LRRC39: variants seen among roughly 807,000 people sequenced by gnomAD.
LRRC39 encodes the protein leucine-rich repeat-containing protein 39.
In LRRC39, 35 loss-of-function variants were observed where a neutral mutation model predicts 39.7. That is an observed-to-expected ratio of 0.88 (90% CI 0.67 to 1.17). The LOEUF (loss-of-function observed/expected upper bound fraction) is 1.17, where lower values mean the gene tolerates loss of function less well. Ranked by LOEUF, LRRC39 falls within the 50% of genes most tolerant of loss-of-function variation. The pLI is 0.00. For missense variants in LRRC39, 357 were observed against 385.8 expected, an observed-to-expected ratio of 0.93 and a Z score of 0.62; for synonymous variants, 113 against 134.1, an observed-to-expected ratio of 0.84 and a Z score of 1.09.
chr1:100,155,952 C>T (rs1658415879), intron 7 of LRRC39, among the ~76,000 whole-genome samples: 2 of 152,152 alleles, frequency 1.3e-5, no homozygotes, highest in African/African-American at 4.8e-5. Context: ...CTCTGGGAGG[C>T]TGAGGTAGGT....
chr1:100,154,631 G>C (rs1415854361), intron 8 of LRRC39, among the ~76,000 whole-genome samples: 1 of 152,136 alleles, frequency 6.6e-6, no homozygotes, highest in Non-Finnish European at 1.5e-5. Context: ...ATAATACTGA[G>C]AACCAAGGCA....
At chr1:100,177,027 G>A (rs1387437550) in intron 1 of LRRC39, among the ~76,000 whole-genome samples, 2 of 152,158 alleles carry the variant, frequency 1.3e-5, no homozygotes, top group Admixed American at 1.3e-4. Context: ...AAAGATTAAA[G>A]TATTTGCTTA....
At chr1:100,159,005 C>A (rs1162731934) in intron 5 of LRRC39, among the ~76,000 whole-genome samples, 1 of 151,872 alleles carries the variant, frequency 6.6e-6, no homozygotes, top group African/African-American at 2.4e-5. Flanking sequence ...ATAGCTGAGC[C>A]GACAATATTG....
intron 9 of LRRC39, among the ~76,000 whole-genome samples, chr1:100,151,443 C>T (rs968263781): frequency 2.0e-5 from 3 of 152,162 alleles, no homozygotes; most frequent in African/African-American, 7.2e-5. Context: ...TGCAATAAAT[C>T]TAATCACCAT....
intron 2 of LRRC39, among the ~76,000 whole-genome samples, chr1:100,171,653 C>T (rs1413781551): frequency 6.6e-6 from 1 of 150,414 alleles, no homozygotes; most frequent in Non-Finnish European, 1.5e-5. Flanking sequence ...CAGATGTGTA[C>T]AACCATGCCT....
chr1:100,167,847 G>T (rs1659355920), intron 3 of LRRC39, among the ~76,000 whole-genome samples: 1 of 150,008 alleles, frequency 6.7e-6, no homozygotes, highest in African/African-American at 2.4e-5. Flanking sequence ...GACAATGAAT[G>T]AGAATTGTAT....
At chr1:100,162,275 C>CT (rs1465328176) in intron 3 of LRRC39, among the ~76,000 whole-genome samples, 2 of 152,060 alleles carry the variant, frequency 1.3e-5, no homozygotes, top group African/African-American at 4.8e-5. Context: ...TGTATAAAAT[C>CT]TTTGTCATTT....
At chr1:100,161,581 A>G (rs1473254422) in intron 3 of LRRC39, among the ~76,000 whole-genome samples, 1 of 152,086 alleles carries the variant, frequency 6.6e-6, no homozygotes, top group Non-Finnish European at 1.5e-5. Context: ...TTGTGTGACC[A>G]TGTTTTCATT....
At chr1:100,177,988 C>T (rs529942515) in intron 1 of LRRC39, 147 bp downstream of exon 1, 8 of 152,112 alleles carry the variant, frequency 5.3e-5, no homozygotes, top group Non-Finnish European at 1.2e-4. Flanking sequence ...ATGAACACCC[C>T]GCAAAAAAAC....
intron 1 of LRRC39, among the ~76,000 whole-genome samples, chr1:100,173,809 G>C (rs554265684): frequency 1.3e-5 from 2 of 151,722 alleles, no homozygotes; most frequent in Non-Finnish European, 2.9e-5. Flanking sequence ...ATATTCCAGC[G>C]GAAAATATAT....
intron 8 of LRRC39, 46 bp from the exon 9 acceptor site, chr1:100,152,570 T>G (rs751851056): frequency 6.9e-6 from 11 of 1,583,804 alleles, no homozygotes; most frequent in Admixed American, 3.6e-5. Flanking sequence ...GTCATGGAAG[T>G]GTACATTTAT....
intron 9 of LRRC39, chr1:100,149,904 C>T (rs1657793842): frequency 2.0e-5 from 3 of 153,602 alleles, no homozygotes; most frequent in Admixed American, 6.5e-5. Flanking sequence ...CTATTTTTAT[C>T]CTGTAGTTCT....
At position 100,159,171 on chromosome 1, in the gene LRRC39, C is replaced by A. The variant is rs919836870; in HGVS notation, c.376+88G>T. ...AAGGTTGAGGGCTGTATAAAGAGGT[C>A]TTTATTCCATGTATCCAAAAAAATC... On this transcript the variant is annotated intron_variant, in intron 5 of 9. Coordinates refer to ENST00000370137, the MANE Select transcript of LRRC39 (RefSeq NM_144620.4). 8 of 1,240,180 alleles carry A rather than the reference C, an allele frequency of 6.5e-6. No individual in the cohort carries two copies. In the African/African-American group the frequency reaches 9.2e-5, roughly 14 times the overall value. The allele number at this position is 1,240,180 out of a possible 1,614,324, so 76.8% of individuals were successfully genotyped here. A position where few individuals can be genotyped will look rare whatever the true frequency, so the allele number is the denominator to read the frequency against.
At chr1:100,176,659 T>C (rs1484955312) in intron 1 of LRRC39, among the ~76,000 whole-genome samples, 2 of 152,206 alleles carry the variant, frequency 1.3e-5, no homozygotes, top group Non-Finnish European at 2.9e-5. Context: ...TTTTAGCATT[T>C]ATTGAAGTGC....
intron 3 of LRRC39, among the ~76,000 whole-genome samples, chr1:100,167,206 CT>C (rs1353536742): frequency 3.9e-5 from 6 of 152,154 alleles, no homozygotes; most frequent in Admixed American, 3.9e-4. Flanking sequence ...ATAGTTTCCA[CT>C]TTTCTGAAAA....
In LRRC39 at chr1:100,148,572, T is replaced by C; in HGVS notation, c.*470A>G. The C allele has an allele frequency of 2.0e-6, 3 of 1,504,038 alleles. No homozygotes were observed. Among genetic ancestry groups the C allele is most frequent in the East Asian group, 4.6e-5 (2 of 43,574 alleles). The allele number at this position is 1,504,038 out of a possible 1,614,324, so 93.2% of individuals were successfully genotyped here. A position where few individuals can be genotyped will look rare whatever the true frequency, so the allele number is the denominator to read the frequency against. On this transcript the variant is annotated 3_prime_UTR_variant, in exon 10 of 10. Transcript: ENST00000370137. Reference sequence around the variant, plus strand: ...ATAAATAGTGACAAAAATAATTTTTTATAAACTTTTGCAAAATTTTAACAA... The same window carrying C: ...ATAAATAGTGACAAAAATAATTTTTCATAAACTTTTGCAAAATTTTAACAA...
rs1225981969 is a variant in LRRC39, at chr1:100,149,031, C to T, written c.*11G>A. 9.6e-6 allele frequency: 15 copies of T among 1,564,286 alleles called. No individual in the cohort carries two copies. The highest frequency in any genetic ancestry group is 1.2e-5 in the Non-Finnish European group (14 of 1,161,064). ...AAAGTAATCCTCTTTAGAAGGGCAT[C>T]TTGAATTATATTATCCATCCGTATT... On this transcript the variant is annotated 3_prime_UTR_variant, in exon 10 of 10. Transcript: ENST00000370137.
chr1:100,155,186 G>A lies in LRRC39; in HGVS notation c.677C>T (p.Thr226Met), dbSNP rs149823600. 2.0e-5 allele frequency: 31 copies of A among 1,586,324 alleles called. No individual in the cohort carries two copies. In the African/African-American group the frequency reaches 2.3e-4, roughly 12 times the overall value. ...TATTTCATTTCGTTGCAGCCATAAC[G>A]TATGTAGATTTTGCATTCTGAAAAA... ...DTIERMQNLH[T>M]LWLQRNEITC... Residue 226 changes from threonine (T) to methionine (M), a missense_variant, in exon 8 of 10, where the codon ACG becomes ATG. Thr to Met is a moderately conservative substitution (Grantham distance 81, BLOSUM62 -1). Coordinates refer to ENST00000370137, the MANE Select transcript of LRRC39 (RefSeq NM_144620.4).
At chr1:100,149,998 G>C (rs1176309021) in intron 9 of LRRC39, 1 of 152,170 alleles carries the variant, frequency 6.6e-6, no homozygotes, top group Admixed American at 6.5e-5. Context: ...GACTGTCTCG[G>C]TTCAAATTCC....
Sources: allele counts gnomAD v4.1 joint callset (sites outside exome capture counted in the v4.1 genomes callset), GRCh38; gene constraint gnomAD v4.1.1; transcripts MANE v1.5; gene names NCBI Gene and HGNC (gene_info 2026-07-23, HGNC 2026-07-21).